SCAI: variants seen among roughly 807,000 people sequenced by gnomAD.
The protein encoded by SCAI is suppressor of cancer cell invasion, also known as protein SCAI.
A neutral mutation model predicts 92.2 loss-of-function variants in SCAI; 24 were observed. The observed-to-expected ratio is 0.26, with a 90% confidence interval of 0.19 to 0.37. The LOEUF (loss-of-function observed/expected upper bound fraction) is 0.37. Among genes scored for constraint, SCAI ranks in the 10% least tolerant of loss-of-function variants. SCAI has a pLI of 1.00. For missense variants in SCAI, 450 were observed against 736.2 expected, an observed-to-expected ratio of 0.61 and a Z score of 4.50; for synonymous variants, 261 against 258.6, an observed-to-expected ratio of 1.01 and a Z score of -0.09.
At chr9:125,046,332 C>T (rs28481397) in intron 3 of SCAI, among the ~76,000 whole-genome samples, 305 of 13,276 alleles carry the variant, frequency 0.023, 3 homozygotes, top group Non-Finnish European at 0.032. Context: ...CACACACACA[C>T]ATATATATAT....
chr9:125,106,800 C>G, intron 2 of SCAI, among the ~76,000 whole-genome samples: 1 of 147,028 alleles, frequency 6.8e-6, no homozygotes, highest in South Asian at 2.2e-4. Context: ...CCTTGACCTC[C>G]TGGGCTCAAG....
intron 9 of SCAI, among the ~76,000 whole-genome samples, chr9:125,005,452 A>G (rs1397742207): frequency 2.6e-5 from 4 of 152,028 alleles, no homozygotes; most frequent in Non-Finnish European, 5.9e-5. Context: ...TTGCCTCAGC[A>G]TCCTGAGTAG....
intron 2 of SCAI, among the ~76,000 whole-genome samples, chr9:125,072,028 C>T (rs1482955007): frequency 2.7e-5 from 4 of 145,650 alleles, no homozygotes; most frequent in Non-Finnish European, 6.0e-5. Flanking sequence ...AGTAGATAGT[C>T]TTTTTTTTTT....
At position 124,945,723 on chromosome 9, in the gene SCAI, T is replaced by C. The variant is rs1831135611; in HGVS notation, c.*7084A>G. 6.6e-6 allele frequency: 1 copy of C among 152,220 alleles called. No individual in the cohort carries two copies. The highest frequency in any genetic ancestry group is 1.5e-5 in the Non-Finnish European group (1 of 68,046). The allele number at this position is 152,220 out of a possible 1,614,324, so 9.4% of individuals were successfully genotyped here. A position where few individuals can be genotyped will look rare whatever the true frequency, so the allele number is the denominator to read the frequency against. On this transcript the variant is annotated 3_prime_UTR_variant, in exon 18 of 18. Coordinates refer to ENST00000336505, the MANE Select transcript of SCAI (RefSeq NM_001144877.3). ...ATCATCCTGACACCCTTCCCGTCAA[T>C]AGGTGATTGATTCCATTCACACATC...
rs1233148332 is a variant in SCAI, at chr9:124,952,292, G to A, written c.*515C>T. On this transcript the variant is annotated 3_prime_UTR_variant, in exon 18 of 18. Coordinates refer to ENST00000336505, the MANE Select transcript of SCAI (RefSeq NM_001144877.3). ...GAAATTAAATGATTTCAAAAAACTG[G>A]CTTGATCATGTTTCAAAGGATCAAA... 2.0e-5 allele frequency: 3 copies of A among 152,066 alleles called. No individual in the cohort carries two copies. Among genetic ancestry groups the A allele is most frequent in the Non-Finnish European group, 4.4e-5 (3 of 68,012 alleles). 9.4% of individuals were successfully genotyped at this position (152,066 alleles called of 1,614,324 possible). A position where few individuals can be genotyped will look rare whatever the true frequency, so the allele number is the denominator to read the frequency against.
intron 2 of SCAI, among the ~76,000 whole-genome samples, chr9:125,069,585 T>G (rs1022718449): frequency 6.7e-6 from 1 of 150,038 alleles, no homozygotes; most frequent in African/African-American, 2.5e-5. Flanking sequence ...CCCAAAGTGC[T>G]GGGATTACAG....
chr9:124,951,775 C>G lies in SCAI; in HGVS notation c.*1032G>C, dbSNP rs1304129477. Reference sequence around the variant, plus strand: ...AAATCTTTATAATATACACTGAGTCCTATTTAAGATAATAAAAATTTTGTG... The same window carrying G: ...AAATCTTTATAATATACACTGAGTCGTATTTAAGATAATAAAAATTTTGTG... On this transcript the variant is annotated 3_prime_UTR_variant, in exon 18 of 18. Coordinates refer to ENST00000336505, the MANE Select transcript of SCAI (RefSeq NM_001144877.3). The G allele has an allele frequency of 1.3e-5, 2 of 152,076 alleles. No individual in the cohort carries two copies. Among genetic ancestry groups the G allele is most frequent in the Admixed American group, 1.3e-4 (2 of 15,270 alleles). The allele number at this position is 152,076 out of a possible 1,614,324, so 9.4% of individuals were successfully genotyped here.
In SCAI at chr9:125,065,349, C is replaced by CAA. The variant is rs1161363968; in HGVS notation, c.99-9344_99-9343dup. ...AACGTGAACATTTAAGTAAAATAGA[C>CAA]AAACACTGAGAAAAACACTTTTTGC... On this transcript the variant is annotated intron_variant, in intron 2 of 17. Transcript: ENST00000336505. 3.3e-5 allele frequency among the ~76,000 whole-genome samples: 5 copies of CAA among 152,112 alleles called. No individual in the cohort carries two copies. In the East Asian group the frequency reaches 7.7e-4, roughly 23 times the overall value.
intron 3 of SCAI, among the ~76,000 whole-genome samples, chr9:125,032,191 A>ATTTTTTT (rs1254303558): frequency 1.5e-4 from 12 of 80,632 alleles, no homozygotes; most frequent in African/African-American, 5.5e-4. Context: ...ATATATATAT[A>ATTTTTTT]TATATTTTTT....
chr9:125,097,752 A>C (rs1291015565), intron 2 of SCAI, among the ~76,000 whole-genome samples: 1 of 151,682 alleles, frequency 6.6e-6, no homozygotes, highest in African/African-American at 2.4e-5. Context: ...TGCATTCTGG[A>C]TATTTCAGAA....
At chr9:124,981,441 T>C (rs1831884187) in intron 14 of SCAI, among the ~76,000 whole-genome samples, 2 of 152,220 alleles carry the variant, frequency 1.3e-5, no homozygotes, top group Admixed American at 6.5e-5. Context: ...ATCATAATGA[T>C]AGTAACAGGC....
At chr9:125,130,204 A>G (rs1267554508) in intron 2 of SCAI, among the ~76,000 whole-genome samples, 5 of 152,022 alleles carry the variant, frequency 3.3e-5, no homozygotes, top group Non-Finnish European at 7.4e-5. Context: ...CAGCCAAAGC[A>G]TTCTTAAAAC....
At chr9:125,139,408 A>C (rs1007076055) in intron 2 of SCAI, among the ~76,000 whole-genome samples, 1 of 152,054 alleles carries the variant, frequency 6.6e-6, no homozygotes, top group African/African-American at 2.4e-5. Context: ...CGTCTTTAAA[A>C]AACAACAACA....
chr9:125,008,127 G>A (rs984727416), intron 9 of SCAI, among the ~76,000 whole-genome samples: 4 of 150,866 alleles, frequency 2.7e-5, no homozygotes, highest in South Asian at 4.2e-4. Context: ...TTACAGGCGT[G>A]AGCCACCGTG....
intron 2 of SCAI, among the ~76,000 whole-genome samples, chr9:125,135,971 CAA>C (rs1359728011): frequency 3.7e-5 from 3 of 81,076 alleles, no homozygotes; most frequent in African/African-American, 4.1e-5. Flanking sequence ...CCATCTCAAA[CAA>C]AAAAAAAAAA....
intron 2 of SCAI, among the ~76,000 whole-genome samples, chr9:125,139,008 T>C (rs557938430): frequency 2.1e-4 from 32 of 151,768 alleles, no homozygotes; most frequent in African/African-American, 7.5e-4. Context: ...CCCAATAAGG[T>C]GGAGCAGAGG....
In SCAI at chr9:125,036,969, A is replaced by T. The variant is rs553503709; in HGVS notation, c.231-7230T>A. On this transcript the variant is annotated intron_variant, in intron 3 of 17. Coordinates refer to ENST00000336505, the MANE Select transcript of SCAI (RefSeq NM_001144877.3). ...GACCTTACCTCTTCAAAACATTTTTAAAAAAATTATCCAGGCAGGCCAGGT... is the reference window on the plus strand; with the variant it reads ...GACCTTACCTCTTCAAAACATTTTTTAAAAAATTATCCAGGCAGGCCAGGT... 2.8e-4 allele frequency among the ~76,000 whole-genome samples: 43 copies of T among 152,284 alleles called. 1 individual carries two copies. Among genetic ancestry groups the T allele is most frequent in the East Asian group, 1.5e-3 (8 of 5,174 alleles).
At chr9:125,020,791 T>C in intron 6 of SCAI, 22 bp from the exon 7 acceptor site, 1 of 1,052,028 alleles carries the variant, frequency 9.5e-7, no homozygotes, top group Middle Eastern at 2.1e-4. Flanking sequence ...AAATGAAAAA[T>C]TACTCATTAG....
chr9:125,123,223 T>G (rs1835194761), intron 2 of SCAI, among the ~76,000 whole-genome samples: 1 of 152,056 alleles, frequency 6.6e-6, no homozygotes, highest in East Asian at 1.9e-4. Context: ...ATCAGCCAGG[T>G]GTGGTGGCAC....
Sources: gnomAD v4.1 joint callset for allele counts (sites outside exome capture counted in the v4.1 genomes callset) on GRCh38, gnomAD v4.1.1 for gene constraint, MANE v1.5 for transcripts, NCBI Gene and HGNC (gene_info 2026-07-23, HGNC 2026-07-21) for gene names.